LRBA: variants seen among roughly 807,000 people sequenced by gnomAD.
The protein encoded by LRBA is lipopolysaccharide-responsive and beige-like anchor protein.
A neutral mutation model predicts 330.0 loss-of-function variants in LRBA; 176 were observed. That is an observed-to-expected ratio of 0.53 (90% confidence interval 0.47 to 0.60). The LOEUF (loss-of-function observed/expected upper bound fraction) is 0.60. LRBA is among the 20% of genes least tolerant of loss of function. The pLI, the probability that LRBA is intolerant of heterozygous loss-of-function variation, is 0.00. For synonymous variants in LRBA, 1,230 were observed against 1,193.0 expected, an observed-to-expected ratio of 1.03 and a Z score of -0.64; for missense variants, 3,259 against 3,444.8, an observed-to-expected ratio of 0.95 and a Z score of 1.35.
intron 37 of LRBA, among the ~76,000 whole-genome samples, chr4:150,620,814 A>G (rs563779327): frequency 2.2e-4 from 34 of 152,254 alleles, no homozygotes; most frequent in African/African-American, 7.2e-4. Context: ...AAGGGGTAGG[A>G]CCAGTGGAGA....
At position 150,817,244 on chromosome 4, in the gene LRBA, C is replaced by T. The variant is rs1204358438; in HGVS notation, c.5185G>A (p.Ala1729Thr). 1 of 1,611,600 alleles carries T rather than the reference C, an allele frequency of 6.2e-7. No individual in the cohort carries two copies. The highest frequency in any genetic ancestry group is 1.3e-5 in the African/African-American group (1 of 74,756). Residue 1729 changes from alanine to threonine, a missense_variant, in exon 31 of 57, where the codon GCA (alanine) becomes ACA (threonine). Physicochemically the swap from Ala to Thr is moderately conservative, Grantham distance 58. Coordinates refer to ENST00000651943, the MANE Select transcript of LRBA (RefSeq NM_001364905.1). ...FRSFDRSVIV[A>T]AKKSAVSPST... ...GGTGAGACTGCTGACTTTTTTGCTGCAACAATGACACTTCTGTAATAAAGA... is the reference window on the plus strand; with the variant it reads ...GGTGAGACTGCTGACTTTTTTGCTGTAACAATGACACTTCTGTAATAAAGA...
chr4:150,506,511 T>C (rs1216660936), intron 40 of LRBA, among the ~76,000 whole-genome samples: 4 of 152,256 alleles, frequency 2.6e-5, no homozygotes, highest in African/African-American at 7.2e-5. Flanking sequence ...GAAAAGGCCT[T>C]TGACAAAATT....
At chr4:150,600,933 C>T (rs1248694405) in intron 37 of LRBA, among the ~76,000 whole-genome samples, 1 of 152,102 alleles carries the variant, frequency 6.6e-6, no homozygotes, top group Non-Finnish European at 1.5e-5. Flanking sequence ...AAATTATTAT[C>T]AAATATCAGC....
At chr4:150,738,484 T>G (rs1731517053) in intron 35 of LRBA, among the ~76,000 whole-genome samples, 1 of 151,854 alleles carries the variant, frequency 6.6e-6, no homozygotes, top group African/African-American at 2.4e-5. Context: ...CCAACATACT[T>G]CACAAGGATG....
At position 150,991,077 on chromosome 4, in the gene LRBA, G is replaced by A. The variant is rs974649566; in HGVS notation, c.216+23350C>T. Among the ~76,000 whole-genome samples, 15 of 148,210 alleles carry A rather than the reference G, an allele frequency of 1.0e-4. No homozygotes were observed. The East Asian group carries it at 1.4e-3, about 14-fold the overall frequency. On this transcript the variant is annotated intron_variant, in intron 2 of 56. Transcript: ENST00000651943. ...CCAAAAAAAAAAAAAAAAAGAAGACGAAGAAGAAAAAGAGGAGGAAGAGGA... is the reference window on the plus strand; with the variant it reads ...CCAAAAAAAAAAAAAAAAAGAAGACAAAGAAGAAAAAGAGGAGGAAGAGGA...
chr4:150,831,713 T>C, intron 29 of LRBA, 104 bp downstream of exon 29: 2 of 882,578 alleles, frequency 2.3e-6, no homozygotes, highest in East Asian at 3.0e-5. Context: ...CTCCCTTAAT[T>C]TGCACAGAAA....
chr4:150,717,701 A>AATAATAATAATAATAATAATCATCATC (rs890794296), intron 36 of LRBA, among the ~76,000 whole-genome samples: 1 of 148,048 alleles, frequency 6.8e-6, no homozygotes, highest in African/African-American at 2.5e-5. Context: ...TAATAATAAT[A>AATAATAATAATAATAATAATCATCATC]ATCAGTGCTT....
chr4:150,443,853 A>AATAT (rs1554027880), intron 44 of LRBA, among the ~76,000 whole-genome samples: 1 of 75,470 alleles, frequency 1.3e-5, no homozygotes, highest in African/African-American at 3.9e-5. Context: ...TAATTAAAAA[A>AATAT]ATATATATAT....
chr4:150,443,185 T>A (rs990033892), intron 44 of LRBA, among the ~76,000 whole-genome samples: 5 of 152,096 alleles, frequency 3.3e-5, no homozygotes, highest in Non-Finnish European at 7.4e-5. Flanking sequence ...TTTTTAATGA[T>A]CGCCATTCTA....
Position 150,487,733 on chromosome 4 carries a change from T to C in LRBA, c.6550A>G (p.Arg2184Gly). The change falls in exon 42 of 57, where the codon AGA becomes GGA. Residue 2184 changes from arginine to glycine, a missense_variant and splice_region_variant. Arg to Gly is a moderately radical substitution (Grantham distance 125). Coordinates refer to ENST00000651943, the MANE Select transcript of LRBA (RefSeq NM_001364905.1). ...VGTSFGLPQTRRISLASPRQL... is the reference protein window; with the variant it reads ...VGTSFGLPQTGRISLASPRQL... ...TAAGTTTCTCATATAAAACAGTACC[T>C]GGTTTGAGGCAATCCAAAACTTGTT... is the stretch of plus-strand genomic sequence containing the variant. 5 of 1,585,194 alleles carry C rather than the reference T, an allele frequency of 3.2e-6. No individual in the cohort carries two copies. The highest frequency in any genetic ancestry group is 4.3e-6 in the Non-Finnish European group (5 of 1,159,012).
intron 37 of LRBA, among the ~76,000 whole-genome samples, chr4:150,638,094 TTA>T (rs1778106673): frequency 6.9e-6 from 1 of 145,694 alleles, no homozygotes; most frequent in Non-Finnish European, 1.6e-5. Context: ...ATTTCTTTAA[TTA>T]TTTTTTTTTT....
In LRBA at chr4:150,429,502, AG is replaced by A. The variant is rs145180329; in HGVS notation, c.7041+6086del. 6.1e-4 allele frequency among the ~76,000 whole-genome samples: 93 copies of A among 152,220 alleles called. 5 individuals are homozygous for A. In the East Asian group the frequency reaches 0.017, roughly 28 times the overall value. The stretch of plus-strand genomic sequence containing the variant: ...ACTCAAATAGGAAACCATTTACGAT[AG>A]GGGGAAGACTGTAAGAATAGCTTTG... On this transcript the variant is annotated intron_variant, in intron 46 of 56. Transcript: ENST00000651943.
intron 53 of LRBA, among the ~76,000 whole-genome samples, chr4:150,299,836 T>G (rs1028190409): frequency 3.3e-5 from 5 of 152,218 alleles, no homozygotes; most frequent in African/African-American, 1.2e-4. Flanking sequence ...AAAGTTGAGG[T>G]ATTAATGTGC....
intron 47 of LRBA, among the ~76,000 whole-genome samples, chr4:150,373,164 T>TGAGA (rs1561082920): frequency 5.2e-5 from 7 of 135,116 alleles, no homozygotes; most frequent in African/African-American, 1.6e-4. Context: ...TGTGTGTGTG[T>TGAGA]GTGTGTGTGA....
At chr4:150,523,209 T>C (rs910350677) in intron 40 of LRBA, among the ~76,000 whole-genome samples, 1 of 152,172 alleles carries the variant, frequency 6.6e-6, no homozygotes, top group African/African-American at 2.4e-5. Flanking sequence ...TATTTTGCGG[T>C]GGGAATGCTA....
At chr4:150,819,483 T>G (rs1745110570) in intron 30 of LRBA, among the ~76,000 whole-genome samples, 1 of 151,208 alleles carries the variant, frequency 6.6e-6, no homozygotes, top group Admixed American at 6.6e-5. Context: ...TATTTAAGAG[T>G]GAAGTGAACT....
At chr4:150,887,152 A>T (rs1729026821) in intron 17 of LRBA, among the ~76,000 whole-genome samples, 1 of 152,182 alleles carries the variant, frequency 6.6e-6, no homozygotes, top group South Asian at 2.1e-4. Context: ...CTCATCCAAA[A>T]ATGAAAGCAT....
intron 38 of LRBA, among the ~76,000 whole-genome samples, chr4:150,592,147 T>TTTTTG (rs1772942748): frequency 1.5e-5 from 2 of 136,876 alleles, no homozygotes; most frequent in South Asian, 4.8e-4. Context: ...GGCTAGGGTT[T>TTTTTG]TTTTTTTTTT....
At chr4:150,760,493 T>C (rs1013432406) in intron 35 of LRBA, among the ~76,000 whole-genome samples, 4 of 151,944 alleles carry the variant, frequency 2.6e-5, no homozygotes, top group Admixed American at 1.3e-4. Flanking sequence ...TTGTTTAAAA[T>C]CTTCCAAGGC....
Sources: allele counts gnomAD v4.1 joint callset (sites outside exome capture counted in the v4.1 genomes callset), GRCh38; gene constraint gnomAD v4.1.1; transcripts MANE v1.5; gene names NCBI Gene and HGNC (gene_info 2026-07-23, HGNC 2026-07-21).